WDHD1: variants seen among roughly 807,000 people sequenced by gnomAD.
The protein encoded by WDHD1 is WD repeat and HMG-box DNA binding protein 1, also known as WD repeat and HMG-box DNA-binding protein 1.
Under a neutral mutation model 135.4 loss-of-function variants are expected in WDHD1, and 111 were observed. That is an observed-to-expected ratio of 0.82 (90% CI 0.70 to 0.96). The LOEUF is 0.96. WDHD1 is among the 40% of genes least tolerant of loss of function. The pLI is 0.00. For missense variants in WDHD1, 1,351 were observed against 1,336.3 expected (o/e 1.01, Z -0.17); for synonymous variants, 434 against 439.0 (o/e 0.99, Z 0.14).
At chr14:55,019,334 GT>G (rs2042307838) in intron 2 of WDHD1, among the ~76,000 whole-genome samples, 1 of 152,192 alleles carries the variant, frequency 6.6e-6, no homozygotes, top group East Asian at 1.9e-4. Context: ...TGGGTAAGTT[GT>G]TAATTTACAT....
intron 15 of WDHD1, among the ~76,000 whole-genome samples, chr14:54,981,904 A>G (rs933511814): frequency 3.3e-5 from 5 of 152,180 alleles, no homozygotes; most frequent in African/African-American, 4.8e-5. Flanking sequence ...ATTGGATTTG[A>G]TATGACTAAA....
chr14:54,978,271 C>G (rs1332149649), intron 16 of WDHD1, among the ~76,000 whole-genome samples: 1 of 152,108 alleles, frequency 6.6e-6, no homozygotes, highest in Non-Finnish European at 1.5e-5. Context: ...GAACAACCTA[C>G]ACTATAAGAA....
intron 24 of WDHD1, among the ~76,000 whole-genome samples, chr14:54,955,315 TATA>T (rs1422081247): frequency 2.0e-5 from 3 of 152,128 alleles, no homozygotes; most frequent in Non-Finnish European, 4.4e-5. Flanking sequence ...AATTACAAAA[TATA>T]ATGTCCCAAT....
intron 2 of WDHD1, among the ~76,000 whole-genome samples, chr14:55,021,364 A>T (rs2042344457): frequency 6.6e-6 from 1 of 150,382 alleles, no homozygotes. Context: ...TTTCTATCAA[A>T]TTGTCTTCTG....
rs1032764206 is a variant in WDHD1, at chr14:54,963,055, G to A, written c.2428C>T (p.Gln810Ter). The change falls in exon 19 of 26, where the codon CAA becomes TAA. Residue 810 changes from glutamine to a stop codon, truncating the protein, a stop_gained. Transcript: ENST00000360586. LOFTEE classifies it high-confidence loss of function. The stretch of plus-strand genomic sequence containing the variant: ...TCTACAGCCAGTTCACTTAGTTTTT[G>A]AGCCAGTATTAATTTCCGAGAGCGA... ...ASRSRKLILA[Q>*]KLSELAVEKA... The A allele has an allele frequency of 7.4e-6, 12 of 1,613,530 alleles. No individual in the cohort carries two copies. The Admixed American group carries it at 8.3e-5, about 11-fold the overall frequency.
chr14:54,946,567 T>C (rs1204794976), intron 24 of WDHD1, among the ~76,000 whole-genome samples: 1 of 152,126 alleles, frequency 6.6e-6, no homozygotes, highest in Non-Finnish European at 1.5e-5. Flanking sequence ...CACTGCCACC[T>C]CAAATTCCTG....
intron 16 of WDHD1, among the ~76,000 whole-genome samples, chr14:54,978,028 G>A (rs7157085): frequency 0.43 from 64,574 of 151,818 alleles, 15,528 homozygotes; most frequent in African/African-American, 0.66. Context: ...AAGCAAAATT[G>A]TTCATTGCAG....
At chr14:55,018,949 G>A (rs1006105197) in intron 2 of WDHD1, among the ~76,000 whole-genome samples, 40 of 152,132 alleles carry the variant, frequency 2.6e-4, no homozygotes, top group African/African-American at 9.4e-4. Flanking sequence ...CTTGAACCTG[G>A]GAGGCAGAGG....
At chr14:54,971,712 CAAAAAAAAAAA>C (rs1195129802) in intron 16 of WDHD1, among the ~76,000 whole-genome samples, 2 of 42,278 alleles carry the variant, frequency 4.7e-5, no homozygotes, top group Admixed American at 3.2e-4. Flanking sequence ...GACTCTGCCT[CAAAAAAAAAAA>C]AAAAAAAAAA....
At position 55,014,278 on chromosome 14, in the gene WDHD1, C is replaced by A. The variant is rs887178106; in HGVS notation, c.78-682G>T. On this transcript the variant is annotated intron_variant, in intron 2 of 25. Transcript: ENST00000360586. ...CTGGCTAATTTATTTTTTGTAGAGACAGGGTGTCCCTACGTTGCCCAGGCT... is the reference window on the plus strand; with the variant it reads ...CTGGCTAATTTATTTTTTGTAGAGAAAGGGTGTCCCTACGTTGCCCAGGCT... Among the ~76,000 whole-genome samples the A allele has an allele frequency of 3.9e-5, 6 of 152,268 alleles. No individual in the cohort carries two copies. In the East Asian group the frequency reaches 1.2e-3, roughly 29 times the overall value.
intron 16 of WDHD1, among the ~76,000 whole-genome samples, chr14:54,972,276 CCAAA>C (rs2041448305): frequency 1.1e-5 from 1 of 87,402 alleles, no homozygotes. Context: ...CTCGGTCTCA[CCAAA>C]AAAAAAAAAA....
intron 24 of WDHD1, among the ~76,000 whole-genome samples, chr14:54,944,963 T>C (rs2040899310): frequency 6.6e-6 from 1 of 152,190 alleles, no homozygotes; most frequent in African/African-American, 2.4e-5. Flanking sequence ...GAAAATCCTT[T>C]GTAAGGTCAA....
intron 16 of WDHD1, among the ~76,000 whole-genome samples, chr14:54,979,887 C>T (rs1222609460): frequency 6.6e-6 from 1 of 152,192 alleles, no homozygotes; most frequent in African/African-American, 2.4e-5. Flanking sequence ...CACTTTTACA[C>T]AAATGGTATT....
At chr14:54,959,425 A>AAGGAAGGG (rs1479945632) in intron 21 of WDHD1, among the ~76,000 whole-genome samples, 2 of 133,442 alleles carry the variant, frequency 1.5e-5, no homozygotes, top group Non-Finnish European at 1.6e-5. Context: ...GGGAGGGAAG[A>AAGGAAGGG]AGGAAGGGAG....
chr14:55,023,840 G>A (rs933334099), intron 2 of WDHD1, among the ~76,000 whole-genome samples: 1 of 152,150 alleles, frequency 6.6e-6, no homozygotes, highest in Non-Finnish European at 1.5e-5. Flanking sequence ...ATGTAGTGAC[G>A]ATTTAACACT....
intron 18 of WDHD1, among the ~76,000 whole-genome samples, 181 bp downstream of exon 18, chr14:54,966,294 C>T (rs1210724407): frequency 6.6e-6 from 1 of 151,692 alleles, no homozygotes; most frequent in East Asian, 1.9e-4. Context: ...GAGATCGCAC[C>T]ACTGCACTCC....
At chr14:54,945,959 G>A (rs2040917442) in intron 24 of WDHD1, among the ~76,000 whole-genome samples, 1 of 152,112 alleles carries the variant, frequency 6.6e-6, no homozygotes, top group South Asian at 2.1e-4. Flanking sequence ...AAAATTACTA[G>A]TATGACCATA....
In WDHD1 at chr14:55,010,473, T is replaced by G. The variant is rs1238693500; in HGVS notation, c.190-13A>C. ...CCAGTTTTCCACTCTAAAAGAAAAA[T>G]TAAGGTAAGAAACATTAGCAAAACA... is the stretch of plus-strand genomic sequence containing the variant. On this transcript the variant is annotated splice_polypyrimidine_tract_variant and intron_variant, in intron 3 of 25. Transcript: ENST00000360586. 1.3e-6 allele frequency: 2 copies of G among 1,550,444 alleles called. No homozygotes were observed. Among genetic ancestry groups the G allele is most frequent in the East Asian group, 2.3e-5 (1 of 42,956 alleles).
intron 24 of WDHD1, among the ~76,000 whole-genome samples, chr14:54,953,656 T>C (rs35839785): frequency 0.048 from 7,367 of 152,228 alleles, 260 homozygotes; most frequent in Non-Finnish European, 0.077. Flanking sequence ...CATGCTGCTA[T>C]AAAAACACAT....
Sources: gnomAD v4.1 joint callset for allele counts (sites outside exome capture counted in the v4.1 genomes callset) on GRCh38, gnomAD v4.1.1 for gene constraint, MANE v1.5 for transcripts, NCBI Gene and HGNC (gene_info 2026-07-23, HGNC 2026-07-21) for gene names.